The following FRAS1 variants were observed in gnomAD, a reference collection of about 807,000 sequenced individuals.
FRAS1 encodes the protein extracellular matrix organizing protein FRAS1.
In FRAS1, 290 loss-of-function variants were observed where a neutral mutation model predicts 435.2. The observed-to-expected ratio is 0.67, with a 90% CI of 0.61 to 0.73. FRAS1 has a LOEUF of 0.73. FRAS1 is among the 30% of genes least tolerant of loss of function. The pLI, the probability that FRAS1 is intolerant of heterozygous loss-of-function variation, is 0.00. For missense variants in FRAS1, 4,860 were observed against 5,001.5 expected, an observed-to-expected ratio of 0.97 and a Z score of 0.85; for synonymous variants, 1,800 against 1,851.0, an observed-to-expected ratio of 0.97 and a Z score of 0.71.
Position 78,286,462 on chromosome 4 carries a change from C to T in FRAS1, c.1457C>T (p.Pro486Leu), listed in dbSNP as rs1463633838. 3 of 1,613,730 alleles carry T rather than the reference C, an allele frequency of 1.9e-6. No individual in the cohort carries two copies. Among genetic ancestry groups the T allele is most frequent in the Admixed American group, 3.3e-5 (2 of 60,016 alleles). ...GGGCTGGAGTGCTCATCCTGCCAGC[C>T]TCCCCTGCTGATGCGGCACGGGCAG... ...TSGLECSSCQPPLLMRHGQCV... is the reference protein window; with the variant it reads ...TSGLECSSCQLPLLMRHGQCV... Residue 486 changes from proline to leucine, a missense_variant, in exon 14 of 74, where the codon CCT (proline) becomes CTT (leucine). Coordinates refer to ENST00000512123, the MANE Select transcript of FRAS1 (RefSeq NM_025074.7).
intron 14 of FRAS1, among the ~76,000 whole-genome samples, chr4:78,286,749 G>T (rs1045193959): frequency 6.6e-6 from 1 of 152,082 alleles, no homozygotes; most frequent in Non-Finnish European, 1.5e-5. Context: ...TAGGTTATTC[G>T]GTTCTTATCA....
At chr4:78,386,744 G>C (rs776331351) in intron 28 of FRAS1, among the ~76,000 whole-genome samples, 2 of 151,930 alleles carry the variant, frequency 1.3e-5, no homozygotes, top group Non-Finnish European at 2.9e-5. Flanking sequence ...TACTCAACTT[G>C]GTGGGAGGTA....
In FRAS1 at chr4:78,508,844, C is replaced by A; in HGVS notation, c.9618C>A (p.Phe3206Leu). 1.2e-6 allele frequency: 2 copies of A among 1,613,808 alleles called. No individual in the cohort carries two copies. Among genetic ancestry groups the A allele is most frequent in the Non-Finnish European group, 1.7e-6 (2 of 1,179,828 alleles). The stretch of plus-strand genomic sequence containing the variant: ...GTGTCACCCCCTGCGACCCTCATTT[C>A]CCCAGATACGCTGTCATGAAGGAGC... ...LVCVTPCDPH[F>L]PRYAVMKERC... The change falls in exon 63 of 74, where the codon TTC (phenylalanine) becomes TTA (leucine). Residue 3206 changes from phenylalanine (F) to leucine (L), a missense_variant. Transcript: ENST00000512123.
intron 14 of FRAS1, among the ~76,000 whole-genome samples, chr4:78,288,145 A>G (rs1392359834): frequency 6.6e-6 from 1 of 152,230 alleles, no homozygotes; most frequent in Non-Finnish European, 1.5e-5. Context: ...TATCATGTTC[A>G]GTTTACCTGT....
intron 25 of FRAS1, among the ~76,000 whole-genome samples, 199 bp downstream of exon 25, chr4:78,374,450 T>C (rs543458691): frequency 6.6e-6 from 1 of 152,368 alleles, no homozygotes; most frequent in South Asian, 2.1e-4. Context: ...TAAGCCAATA[T>C]TCTCTTACAC....
intron 2 of FRAS1, among the ~76,000 whole-genome samples, chr4:78,132,758 C>G (rs555500806): frequency 1.1e-4 from 16 of 152,262 alleles, no homozygotes; most frequent in African/African-American, 3.6e-4. Context: ...TCACATGACC[C>G]TGAAAAGTTT....
At chr4:78,484,047 C>T (rs761717798) in intron 58 of FRAS1, among the ~76,000 whole-genome samples, 2 of 151,918 alleles carry the variant, frequency 1.3e-5, no homozygotes, top group South Asian at 2.1e-4. Flanking sequence ...GTGCCTTTGT[C>T]GTCTGTGTCT....
intron 37 of FRAS1, among the ~76,000 whole-genome samples, chr4:78,430,995 A>T (rs1232725526): frequency 1.3e-5 from 2 of 152,262 alleles, no homozygotes; most frequent in African/African-American, 2.4e-5. Flanking sequence ...AAACACAAAG[A>T]ACACAAGTGA....
chr4:78,489,968 C>CAAAAAAAAAAAAAAAAAAAAAAAAA (rs61568957), intron 59 of FRAS1, among the ~76,000 whole-genome samples: 4 of 92,600 alleles, frequency 4.3e-5, no homozygotes, highest in Non-Finnish European at 6.2e-5. Flanking sequence ...TAGTGGAAAA[C>CAAAAAAAAAAAAAAAAAAAAAAAAA]AAAAAAAAAA....
chr4:78,525,042 A>T (rs1721488775), intron 69 of FRAS1, among the ~76,000 whole-genome samples: 1 of 152,184 alleles, frequency 6.6e-6, no homozygotes, highest in South Asian at 2.1e-4. Flanking sequence ...AAGGAGGCCC[A>T]TATGGCTGGC....
chr4:78,486,468 G>A (rs1237662610), intron 58 of FRAS1, among the ~76,000 whole-genome samples: 2 of 152,150 alleles, frequency 1.3e-5, no homozygotes, highest in Admixed American at 6.5e-5. Context: ...CCCAATGTGA[G>A]CCCATGCGCC....
intron 65 of FRAS1, 71 bp from the exon 66 acceptor site, chr4:78,515,728 C>A: frequency 7.1e-7 from 1 of 1,405,106 alleles, no homozygotes; most frequent in Non-Finnish European, 1.0e-6. Context: ...AAAGGGTGAG[C>A]TCTTCACCCC....
intron 19 of FRAS1, among the ~76,000 whole-genome samples, chr4:78,334,353 A>C (rs1730075534): frequency 6.7e-6 from 1 of 148,816 alleles, no homozygotes; most frequent in African/African-American, 2.5e-5. Flanking sequence ...ATAAAGTCAT[A>C]ACCAATTTTC....
chr4:78,428,612 T>C (rs543069233), intron 35 of FRAS1, among the ~76,000 whole-genome samples: 122 of 152,182 alleles, frequency 8.0e-4, no homozygotes, highest in African/African-American at 2.7e-3. Flanking sequence ...TGTGAGCCAC[T>C]GTGCCCGGCC....
At chr4:78,309,767 T>C (rs914539911) in intron 15 of FRAS1, among the ~76,000 whole-genome samples, 3 of 152,204 alleles carry the variant, frequency 2.0e-5, no homozygotes, top group Non-Finnish European at 4.4e-5. Flanking sequence ...CTGTGGACAT[T>C]GCCAGGTCTG....
chr4:78,433,941 C>T (rs1299590752), intron 38 of FRAS1, among the ~76,000 whole-genome samples: 1 of 152,184 alleles, frequency 6.6e-6, no homozygotes, highest in African/African-American at 2.4e-5. Context: ...AATTTACCCA[C>T]CAGAGCAGAA....
At chr4:78,062,379 C>G (rs921406150) in intron 1 of FRAS1, among the ~76,000 whole-genome samples, 2 of 152,316 alleles carry the variant, frequency 1.3e-5, no homozygotes, top group East Asian at 3.9e-4. Flanking sequence ...ACAGTGCACA[C>G]AGCCATATGC....
chr4:78,275,476 T>A (rs1048191714), intron 9 of FRAS1, among the ~76,000 whole-genome samples: 2 of 152,228 alleles, frequency 1.3e-5, no homozygotes, highest in Non-Finnish European at 2.9e-5. Flanking sequence ...CCATGTTTAG[T>A]GCTTCCTTCA....
intron 14 of FRAS1, among the ~76,000 whole-genome samples, chr4:78,295,653 C>A (rs1728111015): frequency 6.6e-6 from 1 of 152,064 alleles, no homozygotes; most frequent in Non-Finnish European, 1.5e-5. Flanking sequence ...TTCTTCCCAG[C>A]TCCCCTTTTA....
Sources: allele counts gnomAD v4.1 joint callset (sites outside exome capture counted in the v4.1 genomes callset), GRCh38; gene constraint gnomAD v4.1.1; transcripts MANE v1.5; gene names NCBI Gene and HGNC (gene_info 2026-07-23, HGNC 2026-07-21).